The following GZMH variants were observed in gnomAD, a reference collection of about 807,000 sequenced individuals.
GZMH encodes cathepsin G-like 2, protein h-CCPX.
GZMH carries 24 observed loss-of-function variants against 20.7 expected under a neutral mutation model. The observed-to-expected ratio is 1.16, with a 90% CI of 0.84 to 1.63. The LOEUF is 1.63. Ranked by LOEUF, GZMH falls within the 40% of genes most tolerant of loss-of-function variation. The probability of loss-of-function intolerance (pLI) is 0.00; values close to 1 mark genes in which losing one functional copy is unlikely to be tolerated. For missense variants in GZMH, 344 were observed against 302.7 expected (o/e 1.14, Z -1.01); for synonymous variants, 119 against 116.1 (o/e 1.02, Z -0.16).
rs1228464315 is a variant in GZMH at position 24,609,539 on chromosome 14, G to C, written c.55+20C>G. The C allele has an allele frequency of 6.3e-7, 1 of 1,576,882 alleles. No homozygotes were observed. Among genetic ancestry groups the C allele is most frequent in the African/African-American group, 1.4e-5 (1 of 73,942 alleles). On this transcript the variant is annotated intron_variant, in intron 1 of 4. Coordinates refer to ENST00000216338, the MANE Select transcript of GZMH (RefSeq NM_033423.5). ...CTTATAAGATGGGTTCAGGCCTCTG[G>C]AATAGGGATAGTCACTTACCTGTCC... is the stretch of plus-strand genomic sequence containing the variant.
Position 24,609,650 on chromosome 14 carries a change from G to A in GZMH, c.-37C>T, listed in dbSNP as rs1038463292. ...GGCTGCCCAGGTCAGAGCTGTTGGTGTTGACTCCTTCCAGAAACAAATGCT... is the reference window on the plus strand; with the variant it reads ...GGCTGCCCAGGTCAGAGCTGTTGGTATTGACTCCTTCCAGAAACAAATGCT... On this transcript the variant is annotated 5_prime_UTR_variant, in exon 1 of 5. Coordinates refer to ENST00000216338, the MANE Select transcript of GZMH (RefSeq NM_033423.5). The A allele has an allele frequency of 1.3e-6, 2 of 1,517,020 alleles. No homozygotes were observed. The highest frequency in any genetic ancestry group is 1.4e-5 in the African/African-American group (1 of 72,844). The allele number at this position is 1,517,020 out of a possible 1,614,324, so 94.0% of individuals were successfully genotyped here.
At chr14:24,608,224 T>C in intron 2 of GZMH, 41 bp downstream of exon 2, 2 of 1,610,890 alleles carry the variant, frequency 1.2e-6, no homozygotes, top group Non-Finnish European at 1.7e-6. Flanking sequence ...CAAGGGTCCC[T>C]GTAGGGGGAA....
Position 24,609,609 on chromosome 14 carries a change from T to A in GZMH, c.5A>T (p.Gln2Leu). ...AAAGGCCAACAGGAGGAGGAATGGC[T>A]GCATTTTCTCAGGAAGGCTGCCCAG... M[Q>L]PFLLLLAFLL... Residue 2 changes from glutamine to leucine, a missense_variant, in exon 1 of 5, where the codon CAG becomes CTG. Transcript: ENST00000216338. The A allele has an allele frequency of 6.2e-7, 1 of 1,610,830 alleles. No individual in the cohort carries two copies. The highest frequency in any genetic ancestry group is 8.5e-7 in the Non-Finnish European group (1 of 1,178,288).
At position 24,607,367 on chromosome 14, in the gene GZMH, GA is replaced by G. The variant is rs761134969; in HGVS notation, c.378del (p.Leu127SerfsTer10). ...RKAKWTTAVR[P>X]LRLPSSKAQV... Reference sequence around the variant, plus strand: ...TGGGCCTTGCTGCTAGGTAGCCTGAGAGGCCGCACAGCTGTGGTCCACTTGG... The same window carrying G: ...TGGGCCTTGCTGCTAGGTAGCCTGAGGGCCGCACAGCTGTGGTCCACTTGG... On this transcript the variant is annotated frameshift_variant, in exon 4 of 5. Transcript: ENST00000216338. LOFTEE classifies it high-confidence loss of function. 6 of 1,608,532 alleles carry G rather than the reference GA, an allele frequency of 3.7e-6. No homozygotes were observed. In the African/African-American group the frequency reaches 8.0e-5, roughly 21 times the overall value.
Position 24,609,640 on chromosome 14 carries a change from A to G in GZMH, c.-27T>C. On this transcript the variant is annotated 5_prime_UTR_variant, in exon 1 of 5. Coordinates refer to ENST00000216338, the MANE Select transcript of GZMH (RefSeq NM_033423.5). Reference sequence around the variant, plus strand: ...TTCTCAGGAAGGCTGCCCAGGTCAGAGCTGTTGGTGTTGACTCCTTCCAGA... The same window carrying G: ...TTCTCAGGAAGGCTGCCCAGGTCAGGGCTGTTGGTGTTGACTCCTTCCAGA... The G allele has an allele frequency of 3.8e-6, 6 of 1,594,298 alleles. No individual in the cohort carries two copies. The highest frequency in any genetic ancestry group is 5.1e-6 in the Non-Finnish European group (6 of 1,165,056).
Position 24,606,645 on chromosome 14 carries a change from T to C in GZMH, c.699A>G (p.Ser233=). The C allele has an allele frequency of 6.2e-7, 1 of 1,613,898 alleles. No individual in the cohort carries two copies. The highest frequency in any genetic ancestry group is 8.5e-7 in the Non-Finnish European group (1 of 1,179,746). The change falls in exon 5 of 5, where the codon TCA becomes TCG. Residue 233 remains serine (S), a synonymous_variant. Transcript: ENST00000216338. ...TTCTCTTTATCCAGGGCAGGAAGTG[T>C]GAGACCTTGATGTAGACTCCTGGAG... ...GTPPGVYIKV[S]HFLPWIKRTM...
rs2138478396 is a variant in GZMH, at chr14:24,606,723, C to A, written c.621G>T (p.Val207=). 1 of 1,613,878 alleles carries A rather than the reference C, an allele frequency of 6.2e-7. No homozygotes were observed. Among genetic ancestry groups the A allele is most frequent in the South Asian group, 1.1e-5 (1 of 91,068 alleles). Reference sequence around the variant, plus strand: ...GAATACCTTGGGCTACGTCCTTACACACGAGGGGCCCCCCGGAGTCCCCCT... The same window carrying A: ...GAATACCTTGGGCTACGTCCTTACAAACGAGGGGCCCCCCGGAGTCCCCCT... The part of the protein sequence containing the change: ...GFKGDSGGPL[V]CKDVAQGILS... The change falls in exon 5 of 5, where the codon GTG becomes GTT. Residue 207 remains valine (V), a synonymous_variant. Transcript: ENST00000216338.
In GZMH at chr14:24,609,631, C is replaced by A; in HGVS notation, c.-18G>T. ...GGCTGCATTTTCTCAGGAAGGCTGC[C>A]CAGGTCAGAGCTGTTGGTGTTGACT... On this transcript the variant is annotated 5_prime_UTR_variant, in exon 1 of 5. Transcript: ENST00000216338. 1 of 1,605,516 alleles carries A rather than the reference C, an allele frequency of 6.2e-7. No individual in the cohort carries two copies. Among genetic ancestry groups the A allele is most frequent in the Admixed American group, 1.7e-5 (1 of 59,404 alleles).
rs2066879675 is a variant in GZMH at position 24,607,558 on chromosome 14, G to A, written c.339+54C>T. On this transcript the variant is annotated intron_variant, in intron 3 of 4. Transcript: ENST00000216338. ...AGGAGGAAAGGGCCGGCATCCCAGT[G>A]GGAGTGGAACCAACTGGACCAAGAA... 16 of 1,611,584 alleles carry A rather than the reference G, an allele frequency of 9.9e-6. No individual in the cohort carries two copies. The East Asian group carries it at 3.6e-4, about 36-fold the overall frequency.
At chr14:24,607,578 C>T in intron 3 of GZMH, 34 bp downstream of exon 3, 3 of 1,612,046 alleles carry the variant, frequency 1.9e-6, no homozygotes, top group Non-Finnish European at 2.5e-6. Flanking sequence ...CCAACTGGAC[C>T]AAGAAGAGCA....
chr14:24,608,179 G>A (rs902198637), intron 2 of GZMH, 86 bp downstream of exon 2: 7 of 1,439,984 alleles, frequency 4.9e-6, no homozygotes, highest in African/African-American at 1.4e-5. Context: ...CAGGAACTCT[G>A]GAAGCTCCCC....
At chr14:24,608,445 G>C (rs1185887307) in intron 1 of GZMH, 33 bp from the exon 2 acceptor site, 1 of 1,613,054 alleles carries the variant, frequency 6.2e-7, no homozygotes. Context: ...AAAGTAGCTG[G>C]GGATGGCTGC....
chr14:24,608,267 TCC>T lies in GZMH; in HGVS notation c.199_200del (p.Gly67LysfsTer34). On this transcript the variant is annotated frameshift_variant, in exon 2 of 5. Transcript: ENST00000216338. LOFTEE classifies it high-confidence loss of function. The part of the protein sequence containing the change: ...DFVLTAAHCQ[G>X]SSINVTLGAH... ...GGTGAGCTGGTGCTGCTCCTTACCT[TCC>T]CTGGCAGTGAGCAGCTGTCAGCACA... 1 of 1,614,008 alleles carries T rather than the reference TCC, an allele frequency of 6.2e-7. No homozygotes were observed. Among genetic ancestry groups the T allele is most frequent in the Non-Finnish European group, 8.5e-7 (1 of 1,179,968 alleles).
Position 24,607,279 on chromosome 14 carries a change from G to C in GZMH, c.467C>G (p.Ala156Gly). The C allele has an allele frequency of 6.2e-7, 1 of 1,614,074 alleles. No homozygotes were observed. The highest frequency in any genetic ancestry group is 8.5e-7 in the Non-Finnish European group (1 of 1,180,028). Residue 156 changes from alanine to glycine, a missense_variant, in exon 4 of 5, where the codon GCA becomes GGA. Transcript: ENST00000216338. ...GWGYVSMSTL[A>G]TTLQEVLLTV... ...CAGCAACACTTCCTGCAGTGTGGTT[G>C]CTAAAGTGCTCATTGAGACATAACC...
chr14:24,606,643 T>G lies in GZMH; in HGVS notation c.701A>C (p.His234Pro). 1 of 1,614,118 alleles carries G rather than the reference T, an allele frequency of 6.2e-7. No individual in the cohort carries two copies. The highest frequency in any genetic ancestry group is 8.5e-7 in the Non-Finnish European group (1 of 1,179,954). The change falls in exon 5 of 5, where the codon CAC (histidine) becomes CCC (proline). Residue 234 changes from histidine (H) to proline (P), a missense_variant. Coordinates refer to ENST00000216338, the MANE Select transcript of GZMH (RefSeq NM_033423.5). The part of the protein sequence containing the change: ...TPPGVYIKVS[H>P]FLPWIKRTMK... The stretch of plus-strand genomic sequence containing the variant: ...TGTTCTCTTTATCCAGGGCAGGAAG[T>G]GTGAGACCTTGATGTAGACTCCTGG...
At chr14:24,607,836 T>C (rs893579681) in intron 2 of GZMH, 89 bp from the exon 3 acceptor site, 1 of 1,587,154 alleles carries the variant, frequency 6.3e-7, no homozygotes, top group Non-Finnish European at 8.6e-7. Context: ...TGTGGCAGGG[T>C]AGGGCTGCAG....
Position 24,607,145 on chromosome 14 carries a change from C to T in GZMH, c.597+4G>A, listed in dbSNP as rs765913156. On this transcript the variant is annotated splice_donor_region_variant and intron_variant, in intron 4 of 4. Transcript: ENST00000216338. ...TCTTTCTGGGTAGAGGCTGGAAACC[C>T]AACCTTGAAACCGGTCTGTGTCTTC... 2 of 1,609,052 alleles carry T rather than the reference C, an allele frequency of 1.2e-6. No individual in the cohort carries two copies. Among genetic ancestry groups the T allele is most frequent in the East Asian group, 2.2e-5 (1 of 44,760 alleles).
At chr14:24,607,023 C>A in intron 4 of GZMH, 126 bp downstream of exon 4, 2 of 1,020,036 alleles carry the variant, frequency 2.0e-6, no homozygotes, top group Non-Finnish European at 1.5e-6. Context: ...AGACTAGATT[C>A]CAGGGGGACA....
At chr14:24,608,529 G>A in intron 1 of GZMH, 117 bp from the exon 2 acceptor site, 12 of 1,140,208 alleles carry the variant, frequency 1.1e-5, no homozygotes, top group Non-Finnish European at 1.5e-5. Context: ...GTGAGGGAGG[G>A]GTCCTCCTGA....
Sources: gnomAD v4.1 joint callset for allele counts on GRCh38, gnomAD v4.1.1 for gene constraint, MANE v1.5 for transcripts, NCBI Gene and HGNC (gene_info 2026-07-23, HGNC 2026-07-21) for gene names.